Variants in SCP2 observed in about 807,000 individuals in gnomAD.
SCP2 encodes sterol carrier protein 2, also known as SCP-2/3-oxoacyl-CoA thiolase.
Under a neutral mutation model 71.4 loss-of-function variants are expected in SCP2, and 48 were observed. The ratio of observed to expected loss-of-function variants is 0.67; its 90% CI spans 0.53 to 0.86. The LOEUF (loss-of-function observed/expected upper bound fraction) is 0.86, where lower values mean the gene tolerates loss of function less well. Ranked by LOEUF, SCP2 falls within the 40% of genes least tolerant of loss-of-function variation. SCP2 has a pLI of 0.00. For synonymous variants in SCP2, 220 were observed against 218.1 expected (o/e 1.01, Z -0.08); for missense variants, 560 against 655.6 (o/e 0.85, Z 1.59).
chr1:52,967,579 T>C (rs1657085116), intron 6 of SCP2, among the ~76,000 whole-genome samples: 1 of 152,188 alleles, frequency 6.6e-6, no homozygotes. Flanking sequence ...CTTGGCTCAC[T>C]GCAACCTCCA....
chr1:52,962,702 C>T (rs1656579796), intron 6 of SCP2, among the ~76,000 whole-genome samples: 1 of 152,092 alleles, frequency 6.6e-6, no homozygotes, highest in South Asian at 2.1e-4. Context: ...GCCTTAGCTT[C>T]TACCCTAAGA....
chr1:53,002,901 A>G (rs1216392440), intron 11 of SCP2, among the ~76,000 whole-genome samples: 1 of 152,252 alleles, frequency 6.6e-6, no homozygotes, highest in Non-Finnish European at 1.5e-5. Flanking sequence ...GAGGTTGCCA[A>G]AATAAATCCT....
intron 14 of SCP2, among the ~76,000 whole-genome samples, chr1:53,043,110 A>G (rs999988306): frequency 6.6e-6 from 1 of 152,214 alleles, no homozygotes. Flanking sequence ...TCCCCAAGGT[A>G]AACTAGAAAG....
At chr1:52,929,779 C>T (rs1652963939) in intron 1 of SCP2, among the ~76,000 whole-genome samples, 2 of 152,150 alleles carry the variant, frequency 1.3e-5, no homozygotes, top group African/African-American at 2.4e-5. Context: ...CCCACCACCA[C>T]GTCCGGCTAA....
chr1:52,969,819 TCAAA>T (rs75238032), intron 6 of SCP2, among the ~76,000 whole-genome samples: 10,042 of 150,120 alleles, frequency 0.067, 571 homozygotes, highest in East Asian at 0.21. Flanking sequence ...AGACTCCATC[TCAAA>T]CAAACAAACA....
chr1:52,999,517 T>C (rs1233597114), intron 11 of SCP2, among the ~76,000 whole-genome samples: 1 of 152,166 alleles, frequency 6.6e-6, no homozygotes, highest in African/African-American at 2.4e-5. Flanking sequence ...ATGATACTGG[T>C]TTCTGATTTT....
chr1:53,002,043 G>A (rs1572170419), intron 11 of SCP2, among the ~76,000 whole-genome samples: 1 of 152,034 alleles, frequency 6.6e-6, no homozygotes, highest in Non-Finnish European at 1.5e-5. Flanking sequence ...AATTAGCTGG[G>A]TGTGGTGGCA....
At chr1:52,942,160 A>G (rs1432963803) in intron 2 of SCP2, among the ~76,000 whole-genome samples, 6 of 152,194 alleles carry the variant, frequency 3.9e-5, no homozygotes, top group Non-Finnish European at 8.8e-5. Flanking sequence ...AGTGTGTGTT[A>G]ACTTCAGGAG....
chr1:52,965,737 C>T (rs1026255224), intron 6 of SCP2, among the ~76,000 whole-genome samples: 7 of 151,932 alleles, frequency 4.6e-5, no homozygotes, highest in Non-Finnish European at 7.4e-5. Context: ...TGGATTCAAG[C>T]GATTCTCCTG....
chr1:52,995,056 A>G, intron 11 of SCP2: 3 of 499,118 alleles, frequency 6.0e-6, no homozygotes, highest in South Asian at 4.8e-5. Context: ...AGAGGGGGCC[A>G]AGCTGGTTGA....
At chr1:53,013,191 C>T (rs1282690318) in intron 11 of SCP2, among the ~76,000 whole-genome samples, 1 of 146,198 alleles carries the variant, frequency 6.8e-6, no homozygotes, top group African/African-American at 2.5e-5. Flanking sequence ...TTATAACTCA[C>T]TGCAGCCTTG....
intron 13 of SCP2, among the ~76,000 whole-genome samples, chr1:53,038,386 AC>A (rs1418562407): frequency 6.6e-6 from 1 of 151,962 alleles, no homozygotes; most frequent in Non-Finnish European, 1.5e-5. Flanking sequence ...CTTCCCTTCC[AC>A]CAGTTGTATC....
At position 52,976,716 on chromosome 1, in the gene SCP2, T is replaced by A. The variant is rs780353941; in HGVS notation, c.621T>A (p.Asp207Glu). Residue 207 changes from aspartate to glutamate, a missense_variant, in exon 8 of 16, where the codon GAT becomes GAA. By Grantham distance (45) the Asp-to-Glu change is conservative (BLOSUM62 2). Transcript: ENST00000371514. The stretch of plus-strand genomic sequence containing the variant: ...AGTTCCAAGATGAATACAGTTTAGA[T>A]GAAGTGATGGCATCTAAAGAAGTTT... ...YSQFQDEYSL[D>E]EVMASKEVFD... is the part of the protein sequence containing the mutation. The A allele has an allele frequency of 2.6e-6, 4 of 1,566,510 alleles. No individual in the cohort carries two copies. The Admixed American group carries it at 5.0e-5, about 20-fold the overall frequency.
intron 6 of SCP2, among the ~76,000 whole-genome samples, chr1:52,965,215 T>C (rs908817799): frequency 6.6e-6 from 1 of 152,204 alleles, no homozygotes; most frequent in African/African-American, 2.4e-5. Flanking sequence ...AGAGCCCTCA[T>C]AGTTTTTCTT....
chr1:53,036,256 A>T (rs78535785), intron 13 of SCP2, among the ~76,000 whole-genome samples: 14,673 of 149,266 alleles, frequency 0.098, 1,422 homozygotes, highest in African/African-American at 0.22. Flanking sequence ...TATATATATA[A>T]AAGCTTTATA....
At chr1:53,014,787 G>A (rs768418271) in intron 11 of SCP2, 103 bp from the exon 12 acceptor site, 29 of 1,292,092 alleles carry the variant, frequency 2.2e-5, no homozygotes, top group Non-Finnish European at 3.1e-5. Flanking sequence ...CACAAACGTG[G>A]CCTCGGCTTA....
intron 12 of SCP2, 82 bp downstream of exon 12, chr1:53,015,125 T>A: frequency 7.4e-7 from 1 of 1,349,634 alleles, no homozygotes; most frequent in Non-Finnish European, 1.1e-6. Flanking sequence ...TAAAAATTTC[T>A]TATTTTATTG....
intron 14 of SCP2, among the ~76,000 whole-genome samples, chr1:53,039,769 T>C (rs1394865858): frequency 6.6e-6 from 1 of 152,256 alleles, no homozygotes; most frequent in Non-Finnish European, 1.5e-5. Flanking sequence ...GGATCTTAAC[T>C]AGTCCCATGC....
At chr1:52,995,676 A>G in intron 11 of SCP2, 1 of 718,068 alleles carries the variant, frequency 1.4e-6, no homozygotes, top group South Asian at 1.4e-5. Context: ...GTCCATGAGC[A>G]GTTGCTCAAC....
Sources: allele counts gnomAD v4.1 joint callset (sites outside exome capture counted in the v4.1 genomes callset), GRCh38; gene constraint gnomAD v4.1.1; transcripts MANE v1.5; gene names NCBI Gene and HGNC (gene_info 2026-07-23, HGNC 2026-07-21).